CFAP251: variants seen among roughly 807,000 people sequenced by gnomAD.
The protein encoded by CFAP251 is cilia- and flagella-associated protein 251.
In CFAP251, 93 loss-of-function variants were observed where a neutral mutation model predicts 126.7. That is an observed-to-expected ratio of 0.73 (90% CI 0.62 to 0.87). CFAP251 has a LOEUF of 0.87. Among genes scored for constraint, CFAP251 ranks in the 40% least tolerant of loss-of-function variants. The pLI, the probability that CFAP251 is intolerant of heterozygous loss-of-function variation, is 0.00. For missense variants in CFAP251, 1,287 were observed against 1,389.2 expected (o/e 0.93, Z 1.17); for synonymous variants, 503 against 506.9 (o/e 0.99, Z 0.10).
At chr12:121,928,193 T>C (rs1477901649) in intron 3 of CFAP251, among the ~76,000 whole-genome samples, 1 of 152,156 alleles carries the variant, frequency 6.6e-6, no homozygotes, top group East Asian at 1.9e-4. Flanking sequence ...AGATGATCCT[T>C]TTAGGATTAG....
intron 14 of CFAP251, among the ~76,000 whole-genome samples, chr12:121,961,395 T>G (rs1881934129): frequency 6.9e-6 from 1 of 144,174 alleles, no homozygotes; most frequent in Non-Finnish European, 1.5e-5. Context: ...CATCCATCCA[T>G]CCATCCGTCC....
At position 122,001,587 on chromosome 12, in the gene CFAP251, G is replaced by A. The variant is rs1275512470; in HGVS notation, c.3326G>A (p.Cys1109Tyr). The change falls in exon 21 of 22, where the codon TGC becomes TAC. Residue 1109 changes from cysteine to tyrosine, a missense_variant. By Grantham distance (194) the Cys-to-Tyr change is radical. Transcript: ENST00000288912. ...GGATGGAAATCCGAGCCTGCAACCT[G>A]CTCCGTCAAAGGTACCCCAGCTGGC... ...PEGWKSEPAT[C>Y]SVKGSEICLE... 1.2e-6 allele frequency: 2 copies of A among 1,614,010 alleles called. No individual in the cohort carries two copies. Among genetic ancestry groups the A allele is most frequent in the Non-Finnish European group, 1.7e-6 (2 of 1,179,944 alleles).
intron 19 of CFAP251, among the ~76,000 whole-genome samples, chr12:121,986,826 T>G (rs1882760874): frequency 6.6e-6 from 1 of 152,010 alleles, no homozygotes; most frequent in South Asian, 2.1e-4. Flanking sequence ...GCCGTTTCAT[T>G]CAGTGGCATC....
chr12:121,989,286 A>G lies in CFAP251; in HGVS notation c.3007-10430A>G, dbSNP rs974080219. ...TGCAGGGCAGGGTGACAGTCACTCT[A>G]AAGGGCCCTGTGAATGGGTGTTGTT... On this transcript the variant is annotated intron_variant, in intron 19 of 21. Transcript: ENST00000288912. The surrounding 1 kb of genome is among the most constrained non-coding windows in gnomAD (Gnocchi z 4.2). Among the ~76,000 whole-genome samples the G allele has an allele frequency of 6.6e-6, 1 of 152,138 alleles. No homozygotes were observed. The highest frequency in any genetic ancestry group is 1.5e-5 in the Non-Finnish European group (1 of 68,022).
chr12:121,975,113 A>G, intron 17 of CFAP251, 131 bp from the exon 18 acceptor site: 1 of 681,250 alleles, frequency 1.5e-6, no homozygotes, highest in South Asian at 1.9e-5. Context: ...TTTCTTAACA[A>G]GTGTGTAGAG....
At chr12:121,936,496 A>G (rs542392875) in intron 5 of CFAP251, among the ~76,000 whole-genome samples, 46 of 152,334 alleles carry the variant, frequency 3.0e-4, no homozygotes, top group South Asian at 1.9e-3. Flanking sequence ...TTTTAAAAAT[A>G]TCTTTCACCA....
At position 121,923,959 on chromosome 12, in the gene CFAP251, A is replaced by C. The variant is rs1880297470; in HGVS notation, c.716A>C (p.Gln239Pro). ...AGCACCACAGAGGACATTCTGTTTCAAAAGGATAAAAGCACCCCGGTGTAT... is the reference window on the plus strand; with the variant it reads ...AGCACCACAGAGGACATTCTGTTTCCAAAGGATAAAAGCACCCCGGTGTAT... The part of the protein sequence containing the change: ...VSSTTEDILF[Q>P]KDKSTPVYPL... Residue 239 changes from glutamine to proline, a missense_variant, in exon 3 of 22, where the codon CAA becomes CCA. Gln to Pro is a moderately conservative substitution (Grantham distance 76, BLOSUM62 -1). Coordinates refer to ENST00000288912, the MANE Select transcript of CFAP251 (RefSeq NM_144668.6). 1 of 1,612,880 alleles carries C rather than the reference A, an allele frequency of 6.2e-7. No individual in the cohort carries two copies. The highest frequency in any genetic ancestry group is 1.3e-5 in the African/African-American group (1 of 74,948).
intron 16 of CFAP251, among the ~76,000 whole-genome samples, chr12:121,967,714 T>C (rs183172264): frequency 3.4e-3 from 519 of 151,962 alleles, no homozygotes; most frequent in Middle Eastern, 6.8e-3. Context: ...AAAAGAAAAG[T>C]GTAAAGTCAT....
chr12:121,942,774 G>A, intron 6 of CFAP251, 121 bp from the exon 7 acceptor site: 3 of 1,269,798 alleles, frequency 2.4e-6, no homozygotes, highest in Non-Finnish European at 3.4e-6. Flanking sequence ...AGACTCCACA[G>A]CACAGAGTCT....
At chr12:121,939,625 A>T (rs937389641) in intron 5 of CFAP251, among the ~76,000 whole-genome samples, 2 of 151,820 alleles carry the variant, frequency 1.3e-5, no homozygotes, top group Admixed American at 6.5e-5. Context: ...ACAGTAAAGC[A>T]TATCTGTGGT....
At chr12:121,968,358 A>G (rs1422686662) in intron 17 of CFAP251, among the ~76,000 whole-genome samples, 189 bp downstream of exon 17, 1 of 152,046 alleles carries the variant, frequency 6.6e-6, no homozygotes, top group African/African-American at 2.4e-5. Flanking sequence ...TGTCCCATGG[A>G]CCAATGGTGT....
chr12:121,923,751 C>T lies in CFAP251; in HGVS notation c.508C>T (p.Gln170Ter), dbSNP rs1880286853. ...DLDQISPEEQ[Q>*]ISSPERQPSG... Reference sequence around the variant, plus strand: ...GGATCAAATCAGTCCTGAGGAACAACAGATTAGTTCCCCTGAAAGGCAGCC... The same window carrying T: ...GGATCAAATCAGTCCTGAGGAACAATAGATTAGTTCCCCTGAAAGGCAGCC... Residue 170 changes from glutamine to a stop codon, truncating the protein, a stop_gained, in exon 3 of 22, where the codon CAG becomes TAG. Coordinates refer to ENST00000288912, the MANE Select transcript of CFAP251 (RefSeq NM_144668.6). LOFTEE classifies it high-confidence loss of function. 3 of 1,614,124 alleles carry T rather than the reference C, an allele frequency of 1.9e-6. No individual in the cohort carries two copies. Among genetic ancestry groups the T allele is most frequent in the Non-Finnish European group, 1.7e-6 (2 of 1,180,032 alleles).
In CFAP251 at chr12:121,975,315, G is replaced by T. The variant is rs781244030; in HGVS notation, c.2843G>T (p.Arg948Leu). The change falls in exon 18 of 22, where the codon CGG becomes CTG. Residue 948 changes from arginine to leucine, a missense_variant. Coordinates refer to ENST00000288912, the MANE Select transcript of CFAP251 (RefSeq NM_144668.6). Reference sequence around the variant, plus strand: ...TTCTATGGTCTGCTGTCTGGTGGCCGGGAAGGAAAATTCTACAGGGTAATT... The same window carrying T: ...TTCTATGGTCTGCTGTCTGGTGGCCTGGAAGGAAAATTCTACAGGGTAATT... ...TPFYGLLSGG[R>L]EGKFYRELED... is the part of the protein sequence containing the mutation. 3.1e-6 allele frequency: 5 copies of T among 1,614,108 alleles called. No individual in the cohort carries two copies. The East Asian group carries it at 1.1e-4, about 36-fold the overall frequency.
At chr12:121,967,957 C>T (rs754301648) in intron 16 of CFAP251, 49 bp from the exon 17 acceptor site, 44 of 1,546,728 alleles carry the variant, frequency 2.8e-5, no homozygotes, top group African/African-American at 4.1e-5. Context: ...AGGCCTCTCT[C>T]GGGCCCAGCT....
intron 3 of CFAP251, among the ~76,000 whole-genome samples, chr12:121,927,677 C>T (rs7961894): frequency 0.072 from 10,979 of 152,180 alleles, 503 homozygotes; most frequent in Non-Finnish European, 0.11. Flanking sequence ...CACACAAGGT[C>T]CTACAGTGAA....
At chr12:121,931,512 C>T (rs981807365) in intron 3 of CFAP251, among the ~76,000 whole-genome samples, 1 of 152,124 alleles carries the variant, frequency 6.6e-6, no homozygotes, top group African/African-American at 2.4e-5. Flanking sequence ...AGGATTTCAC[C>T]ATGTTGGCCA....
chr12:121,998,477 A>ATG (rs1883074492), intron 19 of CFAP251: 1 of 70,188 alleles, frequency 1.4e-5, no homozygotes, highest in Admixed American at 1.6e-4. Flanking sequence ...ATATATATAT[A>ATG]TATATATATA....
At chr12:121,928,277 T>G (rs1033271001) in intron 3 of CFAP251, among the ~76,000 whole-genome samples, 7 of 152,080 alleles carry the variant, frequency 4.6e-5, no homozygotes, top group African/African-American at 1.7e-4. Flanking sequence ...ATAATTCTGT[T>G]CCTAGAAGTT....
intron 9 of CFAP251, chr12:121,952,690 G>A (rs1881577212): frequency 6.6e-6 from 1 of 152,144 alleles, no homozygotes; most frequent in African/African-American, 2.4e-5. Context: ...AGCACCTGAT[G>A]ATGAGTTTTC....
Sources: allele counts gnomAD v4.1 joint callset (sites outside exome capture counted in the v4.1 genomes callset), GRCh38; gene constraint gnomAD v4.1.1; non-coding constraint Gnocchi (gnomAD v3.1); transcripts MANE v1.5; gene names NCBI Gene and HGNC (gene_info 2026-07-23, HGNC 2026-07-21).